GRIK4: variants seen among roughly 807,000 people sequenced by gnomAD.
GRIK4 encodes the protein glutamate receptor ionotropic, kainate 4.
A neutral mutation model predicts 104.9 loss-of-function variants in GRIK4; 40 were observed. That is an observed-to-expected ratio of 0.38 (90% confidence interval 0.30 to 0.50). The LOEUF (loss-of-function observed/expected upper bound fraction) is 0.50. Among genes scored for constraint, GRIK4 ranks in the 20% least tolerant of loss-of-function variants. GRIK4 has a pLI of 0.93. For synonymous variants in GRIK4, 485 were observed against 524.9 expected, an observed-to-expected ratio of 0.92 and a Z score of 1.04; for missense variants, 1,047 against 1,308.1, an observed-to-expected ratio of 0.80 and a Z score of 3.08.
At position 120,961,021 on chromosome 11, in the gene GRIK4, A is replaced by G; in HGVS notation, c.1987A>G (p.Thr663Ala). ...IESVDDLADQ[T>A]AIEYGTIHGG... ...GTCAGTGGATGACCTGGCTGACCAGACCGCCATTGAATATGGCACAATTCA... is the reference window on the plus strand; with the variant it reads ...GTCAGTGGATGACCTGGCTGACCAGGCCGCCATTGAATATGGCACAATTCA... The change falls in exon 17 of 21, where the codon ACC (threonine) becomes GCC (alanine). Residue 663 changes from threonine to alanine, a missense_variant. Thr to Ala is a moderately conservative substitution (Grantham distance 58). Coordinates refer to ENST00000527524, the MANE Select transcript of GRIK4 (RefSeq NM_014619.5). 6.2e-7 allele frequency: 1 copy of G among 1,614,076 alleles called. No individual in the cohort carries two copies. The highest frequency in any genetic ancestry group is 8.5e-7 in the Non-Finnish European group (1 of 1,179,934).
intron 13 of GRIK4, among the ~76,000 whole-genome samples, chr11:120,909,557 A>T (rs1942946635): frequency 6.6e-6 from 1 of 152,182 alleles, no homozygotes; most frequent in South Asian, 2.1e-4. Context: ...AAGAAAGAGA[A>T]TGTGTACAAG....
chr11:120,886,199 G>C (rs11218044), intron 11 of GRIK4, among the ~76,000 whole-genome samples: 1 of 152,072 alleles, frequency 6.6e-6, no homozygotes, highest in East Asian at 1.9e-4. Context: ...TGATGTGCAC[G>C]TTCCCAGCTG....
intron 1 of GRIK4, among the ~76,000 whole-genome samples, chr11:120,545,892 G>T (rs1425173954): frequency 6.6e-6 from 1 of 152,220 alleles, no homozygotes; most frequent in African/African-American, 2.4e-5. Context: ...TGCACTGAGT[G>T]CTTTCCTGCA....
intron 20 of GRIK4, among the ~76,000 whole-genome samples, chr11:120,984,242 T>G (rs899347070): frequency 6.6e-6 from 1 of 152,236 alleles, no homozygotes; most frequent in African/African-American, 2.4e-5. Flanking sequence ...ATTGGTAGAA[T>G]TGGACGAAAG....
At chr11:120,590,055 A>G (rs1356666658) in intron 1 of GRIK4, among the ~76,000 whole-genome samples, 1 of 152,172 alleles carries the variant, frequency 6.6e-6, no homozygotes, top group Non-Finnish European at 1.5e-5. Flanking sequence ...GTCCAAGGCC[A>G]AGGTCTGGAG....
rs145218556 is a variant in GRIK4 at position 120,954,322 on chromosome 11, G to A, written c.1700+1358G>A. Among the ~76,000 whole-genome samples, 1,096 of 152,076 alleles carry A rather than the reference G, an allele frequency of 7.2e-3. 14 individuals carry two copies. Among genetic ancestry groups the A allele is most frequent in the African/African-American group, 0.023 (964 of 41,448 alleles). The stretch of plus-strand genomic sequence containing the variant: ...ATTTTCAAACGTGGCAGAGTTTGCT[G>A]CTTGGGCACCACCAACCCCTCTCGG... On this transcript the variant is annotated intron_variant, in intron 15 of 20. Transcript: ENST00000527524.
intron 3 of GRIK4, among the ~76,000 whole-genome samples, chr11:120,777,938 A>G (rs1344960638): frequency 6.7e-6 from 1 of 149,492 alleles, no homozygotes; most frequent in Admixed American, 6.7e-5. Context: ...CTCCATCTCA[A>G]AAAAAAAAAA....
At chr11:120,697,282 G>C (rs1950465907) in intron 3 of GRIK4, among the ~76,000 whole-genome samples, 1 of 152,200 alleles carries the variant, frequency 6.6e-6, no homozygotes, top group South Asian at 2.1e-4. Context: ...AATCCTGAAT[G>C]CCCCCTGTGT....
At chr11:120,814,528 A>G (rs1337977770) in intron 4 of GRIK4, among the ~76,000 whole-genome samples, 1 of 152,146 alleles carries the variant, frequency 6.6e-6, no homozygotes, top group African/African-American at 2.4e-5. Flanking sequence ...TGGGAGGCGG[A>G]GGTTGCAGTG....
At chr11:120,541,471 T>C (rs1375743719) in intron 1 of GRIK4, among the ~76,000 whole-genome samples, 1 of 152,070 alleles carries the variant, frequency 6.6e-6, no homozygotes, top group African/African-American at 2.4e-5. Flanking sequence ...AAAAAGGCCA[T>C]AACAGGTAGG....
intron 3 of GRIK4, among the ~76,000 whole-genome samples, chr11:120,718,175 G>A (rs1045587638): frequency 6.6e-6 from 1 of 152,002 alleles, no homozygotes; most frequent in Non-Finnish European, 1.5e-5. Flanking sequence ...TCCTCACCAA[G>A]AGCAAAGACA....
At chr11:120,675,847 A>G (rs1950091656) in intron 3 of GRIK4, among the ~76,000 whole-genome samples, 1 of 152,244 alleles carries the variant, frequency 6.6e-6, no homozygotes, top group South Asian at 2.1e-4. Flanking sequence ...TATTATCGAT[A>G]GTTCTACCAT....
intron 20 of GRIK4, 82 bp from the exon 21 acceptor site, chr11:120,985,822 T>G: frequency 7.8e-7 from 1 of 1,285,490 alleles, no homozygotes; most frequent in African/African-American, 1.5e-5. Context: ...GCTGCCCCCT[T>G]CATCCCTCAT....
chr11:120,600,435 A>G lies in GRIK4; in HGVS notation c.-158-53250A>G, dbSNP rs571694141. ...GCCTGAATGGCAGCCTTTCAGAGGC[A>G]GTGCCTGAGGCTAACTCAGGGAAAT... On this transcript the variant is annotated intron_variant, in intron 1 of 20. Coordinates refer to ENST00000527524, the MANE Select transcript of GRIK4 (RefSeq NM_014619.5). 2.0e-5 allele frequency among the ~76,000 whole-genome samples: 3 copies of G among 152,352 alleles called. No individual in the cohort carries two copies. In the South Asian group the frequency reaches 6.2e-4, roughly 32 times the overall value.
At chr11:120,729,767 G>A (rs1016259700) in intron 3 of GRIK4, among the ~76,000 whole-genome samples, 14 of 152,164 alleles carry the variant, frequency 9.2e-5, no homozygotes, top group Admixed American at 4.6e-4. Context: ...TTAATTTGAT[G>A]TGATCCTTAT....
At chr11:120,622,607 T>A (rs1338264594) in intron 1 of GRIK4, among the ~76,000 whole-genome samples, 1 of 152,276 alleles carries the variant, frequency 6.6e-6, no homozygotes, top group Non-Finnish European at 1.5e-5. Context: ...GTGTCATTAT[T>A]GTATTAGTTT....
intron 3 of GRIK4, among the ~76,000 whole-genome samples, chr11:120,727,708 A>G (rs1163034339): frequency 6.6e-6 from 1 of 152,158 alleles, no homozygotes; most frequent in Non-Finnish European, 1.5e-5. Flanking sequence ...CATAAATCAG[A>G]AGTAGAAAAA....
intron 1 of GRIK4, among the ~76,000 whole-genome samples, chr11:120,560,074 C>T (rs1948223477): frequency 6.6e-6 from 1 of 151,204 alleles, no homozygotes; most frequent in South Asian, 2.1e-4. Context: ...TTTTTTGAGA[C>T]AGTCTCACTC....
chr11:120,894,209 C>T (rs2134463310), intron 11 of GRIK4: 1 of 152,294 alleles, frequency 6.6e-6, no homozygotes, highest in South Asian at 2.1e-4. Context: ...GTACCTTGCA[C>T]ATACACCATC....
Sources: gnomAD v4.1 joint callset for allele counts (sites outside exome capture counted in the v4.1 genomes callset) on GRCh38, gnomAD v4.1.1 for gene constraint, MANE v1.5 for transcripts, NCBI Gene and HGNC (gene_info 2026-07-23, HGNC 2026-07-21) for gene names.